SEMA3E: variants seen among roughly 807,000 people sequenced by gnomAD.
SEMA3E encodes semaphorin 3E, also known as semaphorin-3E.
A neutral mutation model predicts 93.6 loss-of-function variants in SEMA3E; 49 were observed. The ratio of observed to expected loss-of-function variants is 0.52; its 90% CI spans 0.42 to 0.66. The LOEUF is 0.66. Ranked by LOEUF, SEMA3E falls within the 30% of genes least tolerant of loss-of-function variation. The pLI, the probability that SEMA3E is intolerant of heterozygous loss-of-function variation, is 0.00. For missense variants in SEMA3E, 906 were observed against 964.8 expected, an observed-to-expected ratio of 0.94 and a Z score of 0.81; for synonymous variants, 363 against 330.7, an observed-to-expected ratio of 1.10 and a Z score of -1.06.
At chr7:83,427,261 T>A (rs2115729767) in intron 4 of SEMA3E, among the ~76,000 whole-genome samples, 1 of 152,110 alleles carries the variant, frequency 6.6e-6, no homozygotes, top group East Asian at 1.9e-4. Context: ...CAATACTGAA[T>A]AGAAGCAAAA....
In SEMA3E at chr7:83,423,664, C is replaced by T. The variant is rs529398871; in HGVS notation, c.457-5181G>A. Among the ~76,000 whole-genome samples, 11 of 123,326 alleles carry T rather than the reference C, an allele frequency of 8.9e-5. No individual in the cohort carries two copies. In the East Asian group the frequency reaches 2.0e-3, roughly 22 times the overall value. 80.9% of individuals were successfully genotyped at this position (123,326 alleles called of 152,430 possible). A position where few individuals can be genotyped will look rare whatever the true frequency, so the allele number is the denominator to read the frequency against. On this transcript the variant is annotated intron_variant, in intron 4 of 16. Coordinates refer to ENST00000643230, the MANE Select transcript of SEMA3E (RefSeq NM_012431.3). ...GACTACAGACGCCCACCACCACGCC[C>T]GGCTAATTTTTTTTTTTTTTGTACT... is the stretch of plus-strand genomic sequence containing the variant.
chr7:83,562,875 CAAAAT>C (rs1425119286), intron 1 of SEMA3E, among the ~76,000 whole-genome samples: 1 of 152,082 alleles, frequency 6.6e-6, no homozygotes, highest in Non-Finnish European at 1.5e-5. Flanking sequence ...CAAGAGGAAA[CAAAAT>C]AAAGCTACCT....
chr7:83,561,985 C>T (rs17157828), intron 1 of SEMA3E, among the ~76,000 whole-genome samples: 15,034 of 152,038 alleles, frequency 0.099, 977 homozygotes, highest in East Asian at 0.2. Context: ...ATTTGGAGGG[C>T]GCATGTATTC....
At chr7:83,456,516 C>T (rs2723024) in intron 4 of SEMA3E, among the ~76,000 whole-genome samples, 102,148 of 151,876 alleles carry the variant, frequency 0.67, 36,144 homozygotes, top group East Asian at 1. Flanking sequence ...GTTTTCTCTA[C>T]CTGCTATTCT....
intron 1 of SEMA3E, among the ~76,000 whole-genome samples, chr7:83,588,651 G>A (rs576202385): frequency 6.6e-6 from 1 of 152,264 alleles, no homozygotes; most frequent in South Asian, 2.1e-4. Context: ...TAAAATTTAA[G>A]TGTTTGAACC....
chr7:83,378,180 T>C (rs950070898), intron 16 of SEMA3E, among the ~76,000 whole-genome samples: 1 of 151,956 alleles, frequency 6.6e-6, no homozygotes, highest in Non-Finnish European at 1.5e-5. Flanking sequence ...TAAATGAAGA[T>C]AGAAGACCTT....
chr7:83,498,238 G>T (rs1011596649), intron 1 of SEMA3E, among the ~76,000 whole-genome samples: 3 of 152,042 alleles, frequency 2.0e-5, no homozygotes, highest in Admixed American at 1.3e-4. Flanking sequence ...GGGATTCAAA[G>T]GTTATATATA....
At chr7:83,401,294 T>G (rs1164955269) in intron 10 of SEMA3E, among the ~76,000 whole-genome samples, 1 of 152,112 alleles carries the variant, frequency 6.6e-6, no homozygotes, top group Non-Finnish European at 1.5e-5. Flanking sequence ...AACGATTACC[T>G]TGATAAAAAT....
chr7:83,466,622 A>T, intron 3 of SEMA3E, 21 bp from the exon 4 acceptor site: 1 of 1,611,524 alleles, frequency 6.2e-7, no homozygotes, highest in Non-Finnish European at 8.5e-7. Context: ...AAAAAAAGGG[A>T]AGGAATCTAT....
intron 1 of SEMA3E, among the ~76,000 whole-genome samples, chr7:83,571,092 A>G (rs1385807590): frequency 1.3e-5 from 2 of 151,650 alleles, no homozygotes; most frequent in East Asian, 3.9e-4. Context: ...AAAAAAGGAA[A>G]GAAAGAAAAG....
intron 1 of SEMA3E, among the ~76,000 whole-genome samples, chr7:83,507,286 A>C (rs551332542): frequency 6.6e-6 from 1 of 152,276 alleles, no homozygotes; most frequent in East Asian, 1.9e-4. Context: ...CATGATTAAG[A>C]AGAGGGAGCC....
intron 1 of SEMA3E, among the ~76,000 whole-genome samples, chr7:83,582,704 A>G (rs1378761398): frequency 2.0e-5 from 3 of 152,144 alleles, no homozygotes; most frequent in African/African-American, 7.2e-5. Flanking sequence ...AGTTATAGGA[A>G]TTATGGCTAA....
chr7:83,626,917 A>T (rs560342788), intron 1 of SEMA3E, among the ~76,000 whole-genome samples: 1 of 152,058 alleles, frequency 6.6e-6, no homozygotes, highest in African/African-American at 2.4e-5. Flanking sequence ...CTTTCTTCTC[A>T]TTGGTTTCAA....
At chr7:83,414,118 A>G (rs1788496516) in intron 5 of SEMA3E, among the ~76,000 whole-genome samples, 1 of 152,196 alleles carries the variant, frequency 6.6e-6, no homozygotes, top group South Asian at 2.1e-4. Context: ...GGGACAGGAA[A>G]GTGGTAAGGG....
intron 1 of SEMA3E, among the ~76,000 whole-genome samples, chr7:83,647,885 A>G (rs756887827): frequency 2.6e-5 from 4 of 152,172 alleles, no homozygotes; most frequent in Non-Finnish European, 5.9e-5. Flanking sequence ...GTTGTTAATC[A>G]TTTTAATTAC....
intron 1 of SEMA3E, among the ~76,000 whole-genome samples, chr7:83,515,183 T>C (rs2058152824): frequency 6.6e-6 from 1 of 152,084 alleles, no homozygotes; most frequent in Admixed American, 6.5e-5. Context: ...CTCTCCTCCT[T>C]TTCCTTCTCA....
At chr7:83,593,284 CTGTG>C (rs66605514) in intron 1 of SEMA3E, among the ~76,000 whole-genome samples, 2,860 of 116,364 alleles carry the variant, frequency 0.025, 37 homozygotes, top group Non-Finnish European at 0.028. Flanking sequence ...CTCTCTCTCT[CTGTG>C]TGTGTGTGTG....
At chr7:83,542,897 T>A (rs1191269525) in intron 1 of SEMA3E, among the ~76,000 whole-genome samples, 1 of 152,170 alleles carries the variant, frequency 6.6e-6, no homozygotes, top group East Asian at 1.9e-4. Context: ...AAGTTATAAA[T>A]TCATACTGTA....
intron 1 of SEMA3E, among the ~76,000 whole-genome samples, chr7:83,494,930 C>T (rs1790458391): frequency 6.6e-6 from 1 of 151,928 alleles, no homozygotes; most frequent in African/African-American, 2.4e-5. Context: ...AATTATCCAT[C>T]TGCGGTTAAA....
Sources: allele counts gnomAD v4.1 joint callset (sites outside exome capture counted in the v4.1 genomes callset), GRCh38; gene constraint gnomAD v4.1.1; transcripts MANE v1.5; gene names NCBI Gene and HGNC (gene_info 2026-07-23, HGNC 2026-07-21).